CUX1: variants seen among roughly 807,000 people sequenced by gnomAD.
The protein encoded by CUX1 is cut like homeobox 1.
Under a neutral mutation model 158.8 loss-of-function variants are expected in CUX1, and 31 were observed. That is an observed-to-expected ratio of 0.20 (90% CI 0.15 to 0.26). The LOEUF (loss-of-function observed/expected upper bound fraction) is 0.26. Ranked by LOEUF, CUX1 falls within the 10% of genes least tolerant of loss-of-function variation. CUX1 has a pLI of 1.00. For synonymous variants in CUX1, 879 were observed against 862.1 expected, an observed-to-expected ratio of 1.02 and a Z score of -0.34; for missense variants, 1,589 against 2,014.6, an observed-to-expected ratio of 0.79 and a Z score of 4.04.
chr7:101,863,839 G>A (rs764223624), intron 1 of CUX1, among the ~76,000 whole-genome samples: 1 of 152,192 alleles, frequency 6.6e-6, no homozygotes, highest in Non-Finnish European at 1.5e-5. Context: ...ACTTAGCACA[G>A]TGTCAAAGTT....
intron 1 of CUX1, among the ~76,000 whole-genome samples, chr7:101,855,871 C>G (rs1796733068): frequency 1.1e-5 from 1 of 88,470 alleles, no homozygotes. Flanking sequence ...GAAGGAGTTT[C>G]CAGCTCAAAA....
intron 1 of CUX1, among the ~76,000 whole-genome samples, chr7:101,840,178 ATTAAC>A (rs1437053784): frequency 6.6e-6 from 1 of 152,250 alleles, no homozygotes; most frequent in African/African-American, 2.4e-5. Context: ...ATTTTTACTA[ATTAAC>A]TTGATTCTGT....
intron 3 of CUX1, among the ~76,000 whole-genome samples, chr7:102,031,283 T>C (rs1191674924): frequency 1.3e-5 from 2 of 152,184 alleles, no homozygotes; most frequent in Non-Finnish European, 2.9e-5. Flanking sequence ...GGTCTCAAAC[T>C]CCTGACCTCA....
rs782663588 is a variant in CUX1 at position 102,249,007 on chromosome 7, G to A, written c.4483G>A (p.Ala1495Thr). ...NSIIHRLEKA[A>T]SREEPIEWEF Reference sequence around the variant, plus strand: ...CATCATCCACCGCCTGGAGAAGGCCGCCAGCCGGGAGGAACCTATCGAATG... The same window carrying A: ...CATCATCCACCGCCTGGAGAAGGCCACCAGCCGGGAGGAACCTATCGAATG... Residue 1495 changes from alanine (A) to threonine (T), a missense_variant, in exon 24 of 24, where the codon GCC (alanine) becomes ACC (threonine). By Grantham distance (58) the Ala-to-Thr change is moderately conservative. This residue lies in a region of CUX1 where 344 missense variants were observed against 323.7 expected (regional missense o/e 1.06). Transcript: ENST00000292535. The A allele has an allele frequency of 2.1e-6, 3 of 1,399,850 alleles. No individual in the cohort carries two copies. Among genetic ancestry groups the A allele is most frequent in the South Asian group, 1.5e-5 (1 of 68,034 alleles). The allele number at this position is 1,399,850 out of a possible 1,614,324, so 86.7% of individuals were successfully genotyped here. A position where few individuals can be genotyped will look rare whatever the true frequency, so the allele number is the denominator to read the frequency against.
At chr7:101,860,184 T>C (rs977264349) in intron 1 of CUX1, among the ~76,000 whole-genome samples, 3 of 152,172 alleles carry the variant, frequency 2.0e-5, no homozygotes, top group African/African-American at 7.2e-5. Flanking sequence ...CTGTTTGGTA[T>C]TTTGAACAGA....
chr7:101,844,152 T>A (rs1322097748), intron 1 of CUX1, among the ~76,000 whole-genome samples: 1 of 152,126 alleles, frequency 6.6e-6, no homozygotes, highest in Non-Finnish European at 1.5e-5. Context: ...GGGTGGGCAC[T>A]GTTGCTATTA....
At chr7:102,146,891 G>A (rs782798359) in intron 8 of CUX1, among the ~76,000 whole-genome samples, 3 of 152,128 alleles carry the variant, frequency 2.0e-5, no homozygotes, top group Non-Finnish European at 4.4e-5. Context: ...GAGCCACTGC[G>A]CCTGGCCTAA....
intron 20 of CUX1, among the ~76,000 whole-genome samples, chr7:102,220,712 C>T (rs1192151082): frequency 6.6e-6 from 1 of 152,224 alleles, no homozygotes; most frequent in African/African-American, 2.4e-5. Context: ...CAGTCCCCGC[C>T]ACCTCCAGGC....
At position 102,200,137 on chromosome 7, in the gene CUX1, A is replaced by G. The variant is rs1554519243; in HGVS notation, c.2027A>G (p.Glu676Gly). 1 of 1,613,252 alleles carries G rather than the reference A, an allele frequency of 6.2e-7. No homozygotes were observed. The highest frequency in any genetic ancestry group is 8.5e-7 in the Non-Finnish European group (1 of 1,179,660). The change falls in exon 17 of 24, where the codon GAG (glutamate) becomes GGG (glycine). Residue 676 changes from glutamate to glycine, a missense_variant. Around this residue, in one of 8 missense-constraint regions of CUX1, gnomAD observed 337 missense variants for 409.3 expected, o/e 0.82. Transcript: ENST00000292535. ...GSDEAIKSIL[E>G]QAKRELQVQK... ...GATGAAGCCATCAAGTCCATCCTAG[A>G]GCAAGCCAAGAGGGAGCTCCAAGTG...
chr7:101,980,231 T>A (rs1813246738), intron 2 of CUX1, among the ~76,000 whole-genome samples: 1 of 151,748 alleles, frequency 6.6e-6, no homozygotes, highest in African/African-American at 2.4e-5. Flanking sequence ...TCAGGCTGGG[T>A]GTGGGGGCTC....
At chr7:102,051,607 A>G (rs546303134) in intron 3 of CUX1, among the ~76,000 whole-genome samples, 3 of 148,750 alleles carry the variant, frequency 2.0e-5, no homozygotes, top group South Asian at 4.2e-4. Flanking sequence ...GTGAGCCAAG[A>G]TCGTGCCTCT....
chr7:102,268,747 G>A (rs782526414), intron 14 of CUX1, among the ~76,000 whole-genome samples: 14 of 152,096 alleles, frequency 9.2e-5, no homozygotes, highest in Non-Finnish European at 2.1e-4. Flanking sequence ...TACTCATGGT[G>A]GAAGGCGAAG....
chr7:101,971,903 C>A (rs1455881965), intron 2 of CUX1, among the ~76,000 whole-genome samples: 1 of 152,180 alleles, frequency 6.6e-6, no homozygotes, highest in African/African-American at 2.4e-5. Context: ...ACACCTCTTT[C>A]TATAGGTAGA....
rs1732411959 is a variant in CUX1 at position 102,252,636 on chromosome 7, A to G, written c.*3594A>G. Reference sequence around the variant, plus strand: ...CCTCTTGACCCGGAGTTCCGGCCCAAGCTCCCTTGTGATAGCCGAGATGGC... The same window carrying G: ...CCTCTTGACCCGGAGTTCCGGCCCAGGCTCCCTTGTGATAGCCGAGATGGC... On this transcript the variant is annotated 3_prime_UTR_variant, in exon 24 of 24. Transcript: ENST00000292535. 1 of 985,370 alleles carries G rather than the reference A, an allele frequency of 1.0e-6. No homozygotes were observed. The highest frequency in any genetic ancestry group is 1.2e-6 in the Non-Finnish European group (1 of 829,940). 61.0% of individuals were successfully genotyped at this position (985,370 alleles called of 1,614,324 possible). A position where few individuals can be genotyped will look rare whatever the true frequency, so the allele number is the denominator to read the frequency against.
intron 8 of CUX1, among the ~76,000 whole-genome samples, chr7:102,130,078 C>T (rs1336569615): frequency 4.6e-5 from 7 of 152,162 alleles, no homozygotes; most frequent in Non-Finnish European, 1.0e-4. Context: ...CATTCTCTTC[C>T]CGAGGTGCTA....
intron 1 of CUX1, among the ~76,000 whole-genome samples, chr7:101,902,790 G>A (rs1802295693): frequency 6.6e-6 from 1 of 152,156 alleles, no homozygotes; most frequent in African/African-American, 2.4e-5. Flanking sequence ...CAACCTTCAT[G>A]GGCATCTTTT....
chr7:102,253,958 G>C lies in CUX1; in HGVS notation c.*4916G>C. ...CCTCACTAACCTGTCTTCTCCATCT[G>C]ATGTCACCCAGAACCACACCCCACA... On this transcript the variant is annotated 3_prime_UTR_variant, in exon 24 of 24. Transcript: ENST00000292535. The C allele has an allele frequency of 1.6e-5, 16 of 985,516 alleles. No individual in the cohort carries two copies. The highest frequency in any genetic ancestry group is 1.9e-5 in the Non-Finnish European group (16 of 830,006). The allele number at this position is 985,516 out of a possible 1,614,324, so 61.0% of individuals were successfully genotyped here.
downstream of CUX1, among the ~76,000 whole-genome samples, chr7:102,258,749 C>G (rs1790155314): frequency 6.6e-6 from 1 of 152,172 alleles, no homozygotes; most frequent in African/African-American, 2.4e-5. Context: ...GTGGCCTCAG[C>G]CTTCTGTGTG....
intron 1 of CUX1, among the ~76,000 whole-genome samples, chr7:101,891,003 G>A (rs1800823044): frequency 6.6e-6 from 1 of 151,732 alleles, no homozygotes; most frequent in South Asian, 2.1e-4. Flanking sequence ...TTTTTGAGCG[G>A]GGGCGGGGGG....
Sources: gnomAD v4.1 joint callset for allele counts (sites outside exome capture counted in the v4.1 genomes callset) on GRCh38, gnomAD v4.1.1 for gene constraint, gnomAD v4.1.1 regional missense constraint, MANE v1.5 for transcripts, NCBI Gene and HGNC (gene_info 2026-07-23, HGNC 2026-07-21) for gene names.